Variants in EFCAB8 observed in about 807,000 individuals in gnomAD.
The protein encoded by EFCAB8 is EF-hand calcium binding domain 8.
Under a neutral mutation model 116.3 loss-of-function variants are expected in EFCAB8, and 100 were observed. That is an observed-to-expected ratio of 0.86 (90% CI 0.73 to 1.02). The LOEUF is 1.02. Ranked by LOEUF, EFCAB8 falls within the 50% of genes least tolerant of loss-of-function variation. The pLI is 0.00. For missense variants in EFCAB8, 1,320 were observed against 1,416.9 expected (o/e 0.93, Z 1.10); for synonymous variants, 558 against 567.9 (o/e 0.98, Z 0.25).
chr20:32,906,120 G>A (rs1032487417), intron 11 of EFCAB8, among the ~76,000 whole-genome samples: 6 of 152,160 alleles, frequency 3.9e-5, no homozygotes, highest in Non-Finnish European at 5.9e-5. Flanking sequence ...TGGGGCACCC[G>A]GGAGCTTCCT....
Position 32,863,908 on chromosome 20 carries a change from T to C in EFCAB8, c.42+74T>C. Reference sequence around the variant, plus strand: ...TCACCCAAAACCTCACTTACCAGCATGGAAGTATAGGTGTTTCTGCATCGG... The same window carrying C: ...TCACCCAAAACCTCACTTACCAGCACGGAAGTATAGGTGTTTCTGCATCGG... On this transcript the variant is annotated intron_variant, in intron 2 of 26. Coordinates refer to ENST00000400522, the MANE Select transcript of EFCAB8 (RefSeq NM_001143967.2). 10 of 1,502,050 alleles carry C rather than the reference T, an allele frequency of 6.7e-6. No homozygotes were observed. In the South Asian group the frequency reaches 1.2e-4, roughly 18 times the overall value. 93.0% of individuals were successfully genotyped at this position (1,502,050 alleles called of 1,614,324 possible).
At chr20:32,942,762 G>A (rs543940048) in intron 22 of EFCAB8, among the ~76,000 whole-genome samples, 1 of 151,918 alleles carries the variant, frequency 6.6e-6, no homozygotes, top group East Asian at 1.9e-4. Flanking sequence ...GGTGTTTTAT[G>A]ATTTCATTGA....
rs1313507435 is a variant in EFCAB8, at chr20:32,958,482, CAG to C, written c.3024_3025del (p.Arg1008SerfsTer8). 6.7e-5 allele frequency: 28 copies of C among 416,784 alleles called. No homozygotes were observed. The East Asian group carries it at 9.6e-4, about 14-fold the overall frequency. 25.8% of individuals were successfully genotyped at this position (416,784 alleles called of 1,614,324 possible). On this transcript the variant is annotated frameshift_variant, in exon 24 of 27. Transcript: ENST00000400522. LOFTEE classifies it high-confidence loss of function. Reference protein sequence around the residue: ...QDACDGPRENRASLEEDGDST... With the variant: ...QDACDGPRENXASLEEDGDST... ...ATGCCTGTGATGGTCCTCGTGAAAA[CAG>C]AGCAAGCTTAGAGGAAGATGGTGAC...
At chr20:32,884,970 G>A (rs1985535353) in intron 5 of EFCAB8, among the ~76,000 whole-genome samples, 1 of 152,238 alleles carries the variant, frequency 6.6e-6, no homozygotes, top group African/African-American at 2.4e-5. Flanking sequence ...TGCCCCCGGA[G>A]CTGTTGGCTG....
chr20:32,930,357 G>T (rs1157447777), intron 20 of EFCAB8, 41 bp from the exon 21 acceptor site: 1 of 1,518,934 alleles, frequency 6.6e-7, no homozygotes, highest in Admixed American at 2.0e-5. Context: ...TGTGACAGTG[G>T]CTCACAGCCC....
chr20:32,860,248 C>T (rs925799105), intron 1 of EFCAB8, among the ~76,000 whole-genome samples: 3 of 151,858 alleles, frequency 2.0e-5, no homozygotes, highest in African/African-American at 7.3e-5. Flanking sequence ...GTGGAGGTTG[C>T]GGTGAGCTGA....
At chr20:32,890,213 C>T (rs527286014) in intron 7 of EFCAB8, among the ~76,000 whole-genome samples, 2 of 152,114 alleles carry the variant, frequency 1.3e-5, no homozygotes, top group South Asian at 2.1e-4. Flanking sequence ...CCCTGTGGTG[C>T]TGAGGCCACT....
At chr20:32,892,097 G>GA in intron 7 of EFCAB8, 116 bp from the exon 8 acceptor site, 3 of 917,380 alleles carry the variant, frequency 3.3e-6, no homozygotes, top group Non-Finnish European at 5.1e-6. Context: ...TGCCATGGGG[G>GA]AAAAAGGGCT....
rs138001170 is a variant in EFCAB8, at chr20:32,931,202, G to T, written c.2656G>T (p.Ala886Ser). The T allele has an allele frequency of 1.9e-6, 3 of 1,549,082 alleles. No homozygotes were observed. The highest frequency in any genetic ancestry group is 2.0e-5 in the Admixed American group (1 of 50,628). ...GATCTGGGACATCAAGGATTACTGC[G>T]CATTGATTGATAAACAGCCATTCCA... ...IKIWDIKDYCALIDKQPFQSS... is the reference protein window; with the variant it reads ...IKIWDIKDYCSLIDKQPFQSS... The change falls in exon 22 of 27, where the codon GCA becomes TCA. Residue 886 changes from alanine to serine, a missense_variant. Physicochemically the swap from Ala to Ser is moderately conservative, Grantham distance 99. Transcript: ENST00000400522.
intron 17 of EFCAB8, chr20:32,917,016 T>G: frequency 2.8e-6 from 1 of 360,956 alleles, no homozygotes. Context: ...TCCCCCCCCC[T>G]TTAAACCTTA....
intron 21 of EFCAB8, 90 bp from the exon 22 acceptor site, chr20:32,931,088 A>G (rs1485805678): frequency 4.4e-6 from 5 of 1,147,996 alleles, no homozygotes; most frequent in Non-Finnish European, 6.1e-6. Context: ...CCCCCACCAA[A>G]TGAAGAGGAA....
At chr20:32,886,281 G>A (rs1268106217) in intron 6 of EFCAB8, among the ~76,000 whole-genome samples, 1 of 152,074 alleles carries the variant, frequency 6.6e-6, no homozygotes. Flanking sequence ...AGGGCACGCA[G>A]CAAGTCCCTG....
At chr20:32,873,056 G>A (rs1271751930) in intron 3 of EFCAB8, among the ~76,000 whole-genome samples, 1 of 149,638 alleles carries the variant, frequency 6.7e-6, no homozygotes, top group African/African-American at 2.5e-5. Context: ...TCGTGCCATT[G>A]CACTCCAGCC....
At chr20:32,894,289 C>T (rs907536938) in intron 9 of EFCAB8, among the ~76,000 whole-genome samples, 8 of 152,344 alleles carry the variant, frequency 5.3e-5, no homozygotes, top group Non-Finnish European at 8.8e-5. Context: ...AGGCCCCTGG[C>T]AGGCTTGTTG....
chr20:32,955,945 A>T (rs1053820646), intron 23 of EFCAB8, among the ~76,000 whole-genome samples: 1 of 152,028 alleles, frequency 6.6e-6, no homozygotes, highest in Non-Finnish European at 1.5e-5. Flanking sequence ...TTTACCTTTT[A>T]ATTGGGTATT....
At chr20:32,879,694 C>A (rs773637072) in intron 5 of EFCAB8, among the ~76,000 whole-genome samples, 1 of 152,054 alleles carries the variant, frequency 6.6e-6, no homozygotes, top group African/African-American at 2.4e-5. Context: ...TAATACATGG[C>A]GGAAATAGCA....
At chr20:32,902,060 A>C (rs1472252517) in intron 11 of EFCAB8, among the ~76,000 whole-genome samples, 1 of 152,218 alleles carries the variant, frequency 6.6e-6, no homozygotes, top group Non-Finnish European at 1.5e-5. Flanking sequence ...AAAATAGATA[A>C]AATGGTATAA....
chr20:32,876,473 A>G (rs1486819191), intron 4 of EFCAB8, among the ~76,000 whole-genome samples: 2 of 152,160 alleles, frequency 1.3e-5, no homozygotes, highest in Admixed American at 6.5e-5. Context: ...TAATGCTTTC[A>G]TGTTTTTCTG....
chr20:32,941,476 G>A (rs1988406897), intron 22 of EFCAB8, among the ~76,000 whole-genome samples: 1 of 141,268 alleles, frequency 7.1e-6, no homozygotes, highest in Admixed American at 6.9e-5. Flanking sequence ...CAACCCAAAT[G>A]TCAACTTCCA....
Sources: allele counts gnomAD v4.1 joint callset (sites outside exome capture counted in the v4.1 genomes callset), GRCh38; gene constraint gnomAD v4.1.1; transcripts MANE v1.5; gene names NCBI Gene and HGNC (gene_info 2026-07-23, HGNC 2026-07-21).